FAM13A: variants seen among roughly 807,000 people sequenced by gnomAD.
FAM13A encodes protein FAM13A.
FAM13A carries 76 observed loss-of-function variants against 129.6 expected under a neutral mutation model. That is an observed-to-expected ratio of 0.59 (90% CI 0.49 to 0.71). The LOEUF (loss-of-function observed/expected upper bound fraction) is 0.71, where lower values mean the gene tolerates loss of function less well. FAM13A is among the 30% of genes least tolerant of loss of function. The pLI, the probability that FAM13A is intolerant of heterozygous loss-of-function variation, is 0.00. For synonymous variants in FAM13A, 443 were observed against 449.9 expected (o/e 0.98, Z 0.20); for missense variants, 1,108 against 1,249.3 (o/e 0.89, Z 1.70).
chr4:88,954,696 G>T (rs1247165794), intron 4 of FAM13A, among the ~76,000 whole-genome samples: 1 of 151,964 alleles, frequency 6.6e-6, no homozygotes, highest in African/African-American at 2.4e-5. Context: ...ACCAGCCTGG[G>T]CAACACGGCA....
At chr4:88,737,045 T>G (rs1739133398) in intron 21 of FAM13A, among the ~76,000 whole-genome samples, 1 of 152,196 alleles carries the variant, frequency 6.6e-6, no homozygotes, top group Non-Finnish European at 1.5e-5. Flanking sequence ...AATTTTGATT[T>G]TTCTATAAAC....
intron 8 of FAM13A, among the ~76,000 whole-genome samples, chr4:88,799,051 GAATTA>G (rs1441818611): frequency 2.0e-5 from 3 of 152,060 alleles, no homozygotes; most frequent in African/African-American, 7.2e-5. Context: ...AACATTGTTA[GAATTA>G]AACCCAGAAT....
At chr4:88,984,052 G>T (rs1276331319) in intron 4 of FAM13A, among the ~76,000 whole-genome samples, 1 of 152,098 alleles carries the variant, frequency 6.6e-6, no homozygotes, top group Non-Finnish European at 1.5e-5. Context: ...ATTCAATGGG[G>T]AAAAACAATC....
intron 4 of FAM13A, among the ~76,000 whole-genome samples, chr4:88,945,472 T>C (rs1371896304): frequency 6.6e-6 from 1 of 152,126 alleles, no homozygotes; most frequent in Non-Finnish European, 1.5e-5. Context: ...TCTTAATTTT[T>C]CCATATGTAG....
intron 5 of FAM13A, among the ~76,000 whole-genome samples, chr4:88,919,665 T>G (rs1321318799): frequency 6.6e-6 from 1 of 152,180 alleles, no homozygotes; most frequent in Non-Finnish European, 1.5e-5. Flanking sequence ...GGTACCGGGT[T>G]CATCTCACTA....
At chr4:88,799,500 T>C (rs1265195611) in intron 8 of FAM13A, among the ~76,000 whole-genome samples, 2 of 151,542 alleles carry the variant, frequency 1.3e-5, no homozygotes, top group East Asian at 3.9e-4. Flanking sequence ...TTTTTTTTAA[T>C]TATTAGACAG....
chr4:88,937,405 G>A (rs1040828169), intron 5 of FAM13A: 4 of 152,026 alleles, frequency 2.6e-5, no homozygotes, highest in African/African-American at 9.7e-5. Context: ...TATAAATGAC[G>A]ACGAAATAAG....
At chr4:88,921,315 C>T (rs1390472814) in intron 5 of FAM13A, among the ~76,000 whole-genome samples, 2 of 152,168 alleles carry the variant, frequency 1.3e-5, no homozygotes, top group South Asian at 2.1e-4. Flanking sequence ...GGTCGGGTTA[C>T]CCACAAAGGG....
At chr4:89,041,748 C>A (rs1034973110) in intron 1 of FAM13A, among the ~76,000 whole-genome samples, 2 of 151,942 alleles carry the variant, frequency 1.3e-5, no homozygotes, top group Non-Finnish European at 2.9e-5. Flanking sequence ...TGGTGAAAGT[C>A]CTTCTCTACT....
At chr4:88,857,026 CATAG>C (rs1738642507) in intron 6 of FAM13A, among the ~76,000 whole-genome samples, 1 of 152,170 alleles carries the variant, frequency 6.6e-6, no homozygotes, top group Non-Finnish European at 1.5e-5. Flanking sequence ...CTACTCTCCT[CATAG>C]ATAATTTAAT....
chr4:88,760,852 T>A (rs1213173788), intron 13 of FAM13A, among the ~76,000 whole-genome samples: 1 of 148,310 alleles, frequency 6.7e-6, no homozygotes, highest in Non-Finnish European at 1.5e-5. Flanking sequence ...GGGGGAGGGG[T>A]CGTGGGCGGG....
At chr4:89,026,450 A>G (rs1013382225) in intron 2 of FAM13A, among the ~76,000 whole-genome samples, 14 of 152,178 alleles carry the variant, frequency 9.2e-5, no homozygotes, top group Admixed American at 4.6e-4. Context: ...AAGTTTTCAG[A>G]AAAAAAATAT....
intron 10 of FAM13A, among the ~76,000 whole-genome samples, chr4:88,781,859 A>AG (rs892781643): frequency 6.7e-6 from 1 of 149,568 alleles, no homozygotes. Flanking sequence ...GGGAGCGGGG[A>AG]GGGATAGCAT....
At chr4:89,035,258 G>A (rs747034367) in intron 1 of FAM13A, among the ~76,000 whole-genome samples, 1 of 152,096 alleles carries the variant, frequency 6.6e-6, no homozygotes, top group Non-Finnish European at 1.5e-5. Context: ...TTGGGTGACA[G>A]AATCAATAGA....
chr4:89,046,238 AAAAAT>A (rs964956878), intron 1 of FAM13A, among the ~76,000 whole-genome samples: 3 of 152,070 alleles, frequency 2.0e-5, no homozygotes, highest in African/African-American at 7.2e-5. Context: ...CAAAAAAATT[AAAAAT>A]AAAATAAAAG....
chr4:88,862,114 A>G (rs1194630033), intron 6 of FAM13A, among the ~76,000 whole-genome samples: 1 of 152,258 alleles, frequency 6.6e-6, no homozygotes, highest in African/African-American at 2.4e-5. Context: ...TCTGCACTCT[A>G]GAGCTTGTAG....
intron 3 of FAM13A, among the ~76,000 whole-genome samples, chr4:89,000,438 G>A (rs572219951): frequency 6.6e-6 from 1 of 152,290 alleles, no homozygotes; most frequent in African/African-American, 2.4e-5. Flanking sequence ...CACATACTGT[G>A]TGATTCCATT....
intron 2 of FAM13A, among the ~76,000 whole-genome samples, chr4:89,021,912 G>T (rs994458970): frequency 6.6e-6 from 1 of 152,164 alleles, no homozygotes; most frequent in Admixed American, 6.5e-5. Context: ...AGGGGGTAGG[G>T]ATAGGAGAGT....
At chr4:88,982,334 C>G (rs74958792) in intron 4 of FAM13A, among the ~76,000 whole-genome samples, 1 of 152,208 alleles carries the variant, frequency 6.6e-6, no homozygotes, top group African/African-American at 2.4e-5. Flanking sequence ...TTAACTAGTA[C>G]GATGGGCAGA....
Sources: gnomAD v4.1 joint callset for allele counts (sites outside exome capture counted in the v4.1 genomes callset) on GRCh38, gnomAD v4.1.1 for gene constraint, MANE v1.5 for transcripts, NCBI Gene and HGNC (gene_info 2026-07-23, HGNC 2026-07-21) for gene names.